Variants in NPY2R observed in about 807,000 individuals in gnomAD.
The protein encoded by NPY2R is neuropeptide Y receptor Y2.
In NPY2R, 17 loss-of-function variants were observed where a neutral mutation model predicts 22.3. The observed-to-expected ratio is 0.76, with a 90% confidence interval of 0.52 to 1.14. The LOEUF is 1.14. NPY2R is among the 50% of genes most tolerant of loss of function. NPY2R has a pLI of 0.00. For missense variants in NPY2R, 424 were observed against 467.9 expected, an observed-to-expected ratio of 0.91 and a Z score of 0.87; for synonymous variants, 209 against 183.4, an observed-to-expected ratio of 1.14 and a Z score of -1.13.
chr4:155,174,178 A>G, the NPY2R span: 1 of 151,914 alleles, frequency 6.6e-6, no homozygotes, highest in Non-Finnish European at 1.5e-5. Context: ...GGATTATAAC[A>G]TGGAAATAGT....
At chr4:155,199,876 A>C in the NPY2R span, among the ~76,000 whole-genome samples, 2 of 152,218 alleles carry the variant, frequency 1.3e-5, no homozygotes, top group African/African-American at 4.8e-5. Context: ...TTAAAGACTT[A>C]AACGTAAAAC....
At chr4:155,179,535 C>T in the NPY2R span, among the ~76,000 whole-genome samples, 11 of 152,312 alleles carry the variant, frequency 7.2e-5, no homozygotes, top group African/African-American at 2.6e-4. Flanking sequence ...AGGATCTTCA[C>T]TGACTGCCCT....
At chr4:155,196,965 A>G in the NPY2R span, among the ~76,000 whole-genome samples, 1 of 152,008 alleles carries the variant, frequency 6.6e-6, no homozygotes, top group Non-Finnish European at 1.5e-5. Context: ...TGAGTTCCAC[A>G]CTTCACTTTT....
At chr4:155,186,358 G>A in the NPY2R span, among the ~76,000 whole-genome samples, 3 of 152,124 alleles carry the variant, frequency 2.0e-5, no homozygotes, top group African/African-American at 4.8e-5. Flanking sequence ...AGTAAGTTCA[G>A]ATGAACTAGT....
chr4:155,208,807 C>T lies in NPY2R; in HGVS notation c.-311C>T, dbSNP rs886566385. 6.6e-6 allele frequency: 1 copy of T among 152,282 alleles called. No homozygotes were observed. Among genetic ancestry groups the T allele is most frequent in the Non-Finnish European group, 1.5e-5 (1 of 68,106 alleles). The allele number at this position is 152,282 out of a possible 1,614,324, so 9.4% of individuals were successfully genotyped here. ...TGATCCTCCCACCTTCACCCGCCCA[C>T]CCCGCGAGTGAGTGCGGTGCCCAGG... is the stretch of plus-strand genomic sequence containing the variant. On this transcript the variant is annotated 5_prime_UTR_variant, in exon 1 of 2. Transcript: ENST00000329476. This position sits in a 1 kb window ranked among gnomAD's most constrained non-coding sequence, Gnocchi z 5.6.
the NPY2R span, among the ~76,000 whole-genome samples, chr4:155,178,108 A>T: frequency 6.6e-6 from 1 of 152,120 alleles, no homozygotes; most frequent in Admixed American, 6.6e-5. Flanking sequence ...CTCCCCTCCC[A>T]CCAAGCTAAG....
chr4:155,197,215 CT>C, the NPY2R span, among the ~76,000 whole-genome samples: 23 of 151,678 alleles, frequency 1.5e-4, no homozygotes, highest in African/African-American at 4.8e-4. Context: ...AAAATAAATA[CT>C]TTTTTTGTGG....
rs1177183216 is a variant in NPY2R, at chr4:155,215,298, CAGTT to C, written c.*214_*217del. The C allele has an allele frequency of 1.2e-5, 8 of 644,788 alleles. No individual in the cohort carries two copies. Among genetic ancestry groups the C allele is most frequent in the African/African-American group, 9.1e-5 (5 of 54,846 alleles). The allele number at this position is 644,788 out of a possible 1,614,324, so 39.9% of individuals were successfully genotyped here. ...TAAGGCAACAAAATGGTTTACTTAA[CAGTT>C]GGTTGGGTAGTAGGTTGCATTATGA... On this transcript the variant is annotated 3_prime_UTR_variant, in exon 2 of 2. Transcript: ENST00000329476.
At position 155,214,145 on chromosome 4, in the gene NPY2R, C is replaced by T. The variant is rs1318855113; in HGVS notation, c.206C>T (p.Ser69Phe). 2 of 1,613,744 alleles carry T rather than the reference C, an allele frequency of 1.2e-6. No individual in the cohort carries two copies. The change falls in exon 2 of 2, where the codon TCC becomes TTC. Residue 69 changes from serine (S) to phenylalanine (F), a missense_variant. Physicochemically the swap from Ser to Phe is radical, Grantham distance 155. Transcript: ENST00000329476. The stretch of plus-strand genomic sequence containing the variant: ...ATCTTGCTTGGGGTAATTGGCAACT[C>T]CTTGGTGATCCATGTGGTGATCAAA... ...SIILLGVIGN[S>F]LVIHVVIKFK...
At chr4:155,194,944 G>T in the NPY2R span, among the ~76,000 whole-genome samples, 2 of 151,840 alleles carry the variant, frequency 1.3e-5, no homozygotes, top group African/African-American at 2.4e-5. Flanking sequence ...GGTGTGAGAT[G>T]GTATCTCATT....
At chr4:155,209,993 G>A (rs1384198560) in intron 1 of NPY2R, among the ~76,000 whole-genome samples, 1 of 152,116 alleles carries the variant, frequency 6.6e-6, no homozygotes, top group Non-Finnish European at 1.5e-5. Flanking sequence ...GCAAAGAAAT[G>A]TTTCTATGAC....
At chr4:155,186,708 C>T in the NPY2R span, among the ~76,000 whole-genome samples, 71,042 of 151,818 alleles carry the variant, frequency 0.47, 17,328 homozygotes, top group East Asian at 0.69. Context: ...TCCTCCTAAC[C>T]GAAATTTTGT....
At chr4:155,177,717 G>A in the NPY2R span, among the ~76,000 whole-genome samples, 1 of 151,880 alleles carries the variant, frequency 6.6e-6, no homozygotes, top group Admixed American at 6.6e-5. Context: ...CTAGGTGAAG[G>A]CAGTCATACC....
At chr4:155,204,463 A>C (rs997243453), upstream of NPY2R, among the ~76,000 whole-genome samples, 1 of 152,158 alleles carries the variant, frequency 6.6e-6, no homozygotes. Context: ...AGGTTTATGT[A>C]ATGTGAACTT....
Position 155,215,004 on chromosome 4 carries a change from G to T in NPY2R, c.1065G>T (p.Val355=). ...RLDAIHSEVS[V]TFKAKKNLEV... is the part of the protein sequence containing the mutation. Reference sequence around the variant, plus strand: ...ATGCCATTCACTCTGAGGTGTCCGTGACATTCAAGGCTAAAAAGAACCTGG... The same window carrying T: ...ATGCCATTCACTCTGAGGTGTCCGTTACATTCAAGGCTAAAAAGAACCTGG... Residue 355 remains valine (V), a synonymous_variant, in exon 2 of 2, where the codon GTG becomes GTT. Transcript: ENST00000329476. The T allele has an allele frequency of 6.2e-7, 1 of 1,614,168 alleles. No homozygotes were observed. Among genetic ancestry groups the T allele is most frequent in the Non-Finnish European group, 8.5e-7 (1 of 1,180,032 alleles).
chr4:155,199,316 T>C, the NPY2R span, among the ~76,000 whole-genome samples: 1 of 151,822 alleles, frequency 6.6e-6, no homozygotes, highest in African/African-American at 2.4e-5. Flanking sequence ...ACAAGGGACA[T>C]GAAAGACCTC....
the NPY2R span, among the ~76,000 whole-genome samples, chr4:155,198,724 G>T: frequency 6.9e-6 from 1 of 144,696 alleles, no homozygotes; most frequent in Admixed American, 7.0e-5. Context: ...CTGAAGTTCA[G>T]ATAGATTAAA....
the NPY2R span, among the ~76,000 whole-genome samples, chr4:155,201,526 C>T: frequency 6.6e-6 from 1 of 152,168 alleles, no homozygotes; most frequent in East Asian, 1.9e-4. Context: ...GAACTTCTGA[C>T]CCACAAAGAG....
the NPY2R span, among the ~76,000 whole-genome samples, chr4:155,203,519 T>A: frequency 2.0e-5 from 3 of 152,190 alleles, no homozygotes; most frequent in African/African-American, 7.2e-5. Context: ...TAGACTTTTT[T>A]ATATGTGTAT....
Sources: allele counts gnomAD v4.1 joint callset (sites outside exome capture counted in the v4.1 genomes callset), GRCh38; gene constraint gnomAD v4.1.1; non-coding constraint Gnocchi (gnomAD v3.1); transcripts MANE v1.5; gene names NCBI Gene and HGNC (gene_info 2026-07-23, HGNC 2026-07-21).